B3GAT2: variants seen among roughly 807,000 people sequenced by gnomAD.
B3GAT2 encodes the protein beta-1,3-glucuronyltransferase 2.
A neutral mutation model predicts 27.8 loss-of-function variants in B3GAT2; 26 were observed. The observed-to-expected ratio is 0.93, with a 90% CI of 0.68 to 1.30. The LOEUF (loss-of-function observed/expected upper bound fraction) is 1.30, where lower values mean the gene tolerates loss of function less well. Among genes scored for constraint, B3GAT2 ranks in the 50% most tolerant of loss-of-function variants. The pLI is 0.00. For missense variants in B3GAT2, 458 were observed against 459.0 expected, an observed-to-expected ratio of 1.00 and a Z score of 0.02; for synonymous variants, 218 against 195.1, an observed-to-expected ratio of 1.12 and a Z score of -0.98.
At chr6:70,888,808 C>T (rs1442355700) in intron 2 of B3GAT2, among the ~76,000 whole-genome samples, 2 of 152,264 alleles carry the variant, frequency 1.3e-5, no homozygotes, top group Admixed American at 6.5e-5. Context: ...ACACCCTGCC[C>T]ATGATCCCTC....
At chr6:70,920,800 C>G (rs1772856521) in intron 1 of B3GAT2, among the ~76,000 whole-genome samples, 1 of 152,190 alleles carries the variant, frequency 6.6e-6, no homozygotes. Flanking sequence ...TTGGCACTCA[C>G]TTAAGGACCT....
intron 2 of B3GAT2, among the ~76,000 whole-genome samples, chr6:70,876,184 C>G (rs1372788529): frequency 6.6e-6 from 1 of 152,192 alleles, no homozygotes; most frequent in African/African-American, 2.4e-5. Flanking sequence ...CTAAGCCACT[C>G]TAGTCCAACC....
chr6:70,897,974 G>T (rs1249641736), intron 1 of B3GAT2, among the ~76,000 whole-genome samples: 2 of 152,080 alleles, frequency 1.3e-5, no homozygotes, highest in African/African-American at 4.8e-5. Context: ...GGTCTCTTCA[G>T]TGATCTTAAT....
rs1215447592 is a variant in B3GAT2 at position 70,859,828 on chromosome 6, C to CAA, written c.*1833_*1834dup. On this transcript the variant is annotated 3_prime_UTR_variant, in exon 4 of 4. Coordinates refer to ENST00000230053, the MANE Select transcript of B3GAT2 (RefSeq NM_080742.3). ...TTAATAGAGAATAATATCTATCATACAAAGTTTATAGGATAATTTTAGACT... is the reference window on the plus strand; with the variant it reads ...TTAATAGAGAATAATATCTATCATACAAAAAGTTTATAGGATAATTTTAGACT... 5.0e-5 allele frequency: 9 copies of CAA among 181,270 alleles called. No individual in the cohort carries two copies. Among genetic ancestry groups the CAA allele is most frequent in the East Asian group, 1.5e-4 (1 of 6,602 alleles). The allele number at this position is 181,270 out of a possible 1,614,324, so 11.2% of individuals were successfully genotyped here. A position where few individuals can be genotyped will look rare whatever the true frequency, so the allele number is the denominator to read the frequency against.
At chr6:70,925,284 T>C (rs1772935242) in intron 1 of B3GAT2, among the ~76,000 whole-genome samples, 1 of 152,208 alleles carries the variant, frequency 6.6e-6, no homozygotes, top group African/African-American at 2.4e-5. Flanking sequence ...ACTGGGTTCA[T>C]CTTACTGGGA....
chr6:70,904,944 G>A (rs1772573870), intron 1 of B3GAT2, among the ~76,000 whole-genome samples: 2 of 152,022 alleles, frequency 1.3e-5, no homozygotes, highest in South Asian at 4.2e-4. Context: ...AAAATGACCT[G>A]GCAATATATG....
At chr6:70,913,670 T>C (rs1024569386) in intron 1 of B3GAT2, among the ~76,000 whole-genome samples, 13 of 152,230 alleles carry the variant, frequency 8.5e-5, no homozygotes, top group Admixed American at 1.3e-4. Flanking sequence ...GAAGAATGTA[T>C]ATTCTGTTGT....
rs57035119 is a variant in B3GAT2 at position 70,861,042 on chromosome 6, C to T, written c.*621G>A. 8.7e-4 allele frequency: 207 copies of T among 238,690 alleles called. No homozygotes were observed. The highest frequency in any genetic ancestry group is 4.4e-3 in the African/African-American group (198 of 45,106). 14.8% of individuals were successfully genotyped at this position (238,690 alleles called of 1,614,324 possible). On this transcript the variant is annotated 3_prime_UTR_variant, in exon 4 of 4. Coordinates refer to ENST00000230053, the MANE Select transcript of B3GAT2 (RefSeq NM_080742.3). Reference sequence around the variant, plus strand: ...ATGCAAACAGGGTAACTAACTAAAACAAAGCCACTTTCAATCTTCAATCCT... The same window carrying T: ...ATGCAAACAGGGTAACTAACTAAAATAAAGCCACTTTCAATCTTCAATCCT...
chr6:70,893,676 C>A (rs529540547), intron 2 of B3GAT2, among the ~76,000 whole-genome samples: 6 of 152,220 alleles, frequency 3.9e-5, no homozygotes, highest in African/African-American at 1.4e-4. Context: ...CTAAACCTAT[C>A]AATAAGCATT....
At position 70,948,101 on chromosome 6, in the gene B3GAT2, A is replaced by G. The variant is rs1235839766; in HGVS notation, c.591+7738T>C. Among the ~76,000 whole-genome samples, 8 of 150,414 alleles carry G rather than the reference A, an allele frequency of 5.3e-5. No individual in the cohort carries two copies. The East Asian group carries it at 1.4e-3, about 26-fold the overall frequency. ...TATCTCAAAATAATAAGAGCTATCT[A>G]TGACAAGCCCACAGCCAATATCATA... On this transcript the variant is annotated intron_variant, in intron 1 of 3. Coordinates refer to ENST00000230053, the MANE Select transcript of B3GAT2 (RefSeq NM_080742.3).
chr6:70,947,841 T>G (rs1366270239), intron 1 of B3GAT2, among the ~76,000 whole-genome samples: 1 of 152,172 alleles, frequency 6.6e-6, no homozygotes, highest in Non-Finnish European at 1.5e-5. Flanking sequence ...AATAAAATAC[T>G]AGCAAACCGA....
At chr6:70,894,345 T>C (rs2150031689) in intron 1 of B3GAT2, 73 bp from the exon 2 acceptor site, 2 of 1,437,466 alleles carry the variant, frequency 1.4e-6, no homozygotes, top group Non-Finnish European at 1.9e-6. Context: ...GTGATCTATG[T>C]AGAAGAAGTA....
chr6:70,882,487 C>T (rs149379359), intron 2 of B3GAT2, among the ~76,000 whole-genome samples: 236 of 151,940 alleles, frequency 1.6e-3, no homozygotes, highest in African/African-American at 4.8e-3. Flanking sequence ...GGGGACAGAG[C>T]GAGACTACAT....
intron 1 of B3GAT2, among the ~76,000 whole-genome samples, chr6:70,945,815 C>T (rs1355309668): frequency 6.6e-6 from 1 of 151,066 alleles, no homozygotes; most frequent in Non-Finnish European, 1.5e-5. Flanking sequence ...GTAAGGGCAG[C>T]CAGAGAGAAA....
chr6:70,952,009 A>G (rs1208762687), intron 1 of B3GAT2, among the ~76,000 whole-genome samples: 1 of 152,128 alleles, frequency 6.6e-6, no homozygotes, highest in Non-Finnish European at 1.5e-5. Context: ...TTTAGGGGGG[A>G]AAGGGCCAAA....
chr6:70,914,920 C>T (rs1246273604), intron 1 of B3GAT2, among the ~76,000 whole-genome samples: 1 of 152,088 alleles, frequency 6.6e-6, no homozygotes, highest in African/African-American at 2.4e-5. Flanking sequence ...GGTATATACC[C>T]ACAAATGGGA....
At chr6:70,949,023 C>G (rs1188962856) in intron 1 of B3GAT2, among the ~76,000 whole-genome samples, 2 of 152,194 alleles carry the variant, frequency 1.3e-5, no homozygotes, top group Non-Finnish European at 2.9e-5. Flanking sequence ...AAAGCTGAAA[C>G]TGGATCCCTT....
rs1298949255 is a variant in B3GAT2 at position 70,935,351 on chromosome 6, G to A, written c.591+20488C>T. ...TGCCTGTAGTCCCAGCTACTCAGGAGGGTGAGGCAGGAGAATTGCTTGACC... is the reference window on the plus strand; with the variant it reads ...TGCCTGTAGTCCCAGCTACTCAGGAAGGTGAGGCAGGAGAATTGCTTGACC... On this transcript the variant is annotated intron_variant, in intron 1 of 3. Transcript: ENST00000230053. 9.9e-5 allele frequency among the ~76,000 whole-genome samples: 15 copies of A among 152,102 alleles called. No homozygotes were observed. In the East Asian group the frequency reaches 2.5e-3, roughly 25 times the overall value.
At chr6:70,893,989 A>G in intron 2 of B3GAT2, 139 bp downstream of exon 2, 1 of 934,200 alleles carries the variant, frequency 1.1e-6, no homozygotes, top group Non-Finnish European at 1.5e-6. Context: ...AGGTTTAAAT[A>G]TTTCATCTCC....
Sources: gnomAD v4.1 joint callset for allele counts (sites outside exome capture counted in the v4.1 genomes callset) on GRCh38, gnomAD v4.1.1 for gene constraint, MANE v1.5 for transcripts, NCBI Gene and HGNC (gene_info 2026-07-23, HGNC 2026-07-21) for gene names.